ADAMTS16: variants seen among roughly 807,000 people sequenced by gnomAD.
ADAMTS16 encodes ADAM metallopeptidase with thrombospondin type 1 motif 16.
In ADAMTS16, 94 loss-of-function variants were observed where a neutral mutation model predicts 145.8. The ratio of observed to expected loss-of-function variants is 0.64; its 90% confidence interval spans 0.55 to 0.77. The LOEUF is 0.77. Ranked by LOEUF, ADAMTS16 falls within the 30% of genes least tolerant of loss-of-function variation. The pLI is 0.00. For missense variants in ADAMTS16, 1,585 were observed against 1,591.5 expected, an observed-to-expected ratio of 1.00 and a Z score of 0.07; for synonymous variants, 659 against 604.3, an observed-to-expected ratio of 1.09 and a Z score of -1.33.
intron 17 of ADAMTS16, among the ~76,000 whole-genome samples, chr5:5,247,601 C>T (rs537692366): frequency 6.6e-6 from 1 of 152,190 alleles, no homozygotes; most frequent in African/African-American, 2.4e-5. Flanking sequence ...TCAGGGGTGC[C>T]GGGGTCCCTC....
At chr5:5,148,597 T>C (rs1734364227) in intron 3 of ADAMTS16, among the ~76,000 whole-genome samples, 1 of 152,260 alleles carries the variant, frequency 6.6e-6, no homozygotes, top group African/African-American at 2.4e-5. Flanking sequence ...GATTTTGCTG[T>C]TGTCCACTAA....
chr5:5,252,060 AG>A (rs1737644646), intron 17 of ADAMTS16, among the ~76,000 whole-genome samples: 2 of 152,266 alleles, frequency 1.3e-5, no homozygotes, highest in South Asian at 4.2e-4. Flanking sequence ...CGTGTTAGCC[AG>A]GATGGTCTTG....
chr5:5,306,111 G>A (rs979746973), intron 20 of ADAMTS16, among the ~76,000 whole-genome samples: 4 of 152,178 alleles, frequency 2.6e-5, no homozygotes, highest in African/African-American at 9.6e-5. Context: ...CCAGCTTTAG[G>A]GGCCAACATC....
At chr5:5,272,445 G>T (rs1396472559) in intron 18 of ADAMTS16, among the ~76,000 whole-genome samples, 1 of 146,946 alleles carries the variant, frequency 6.8e-6, no homozygotes, top group Admixed American at 6.9e-5. Context: ...CACTGCAAGC[G>T]CCGCCTCCCG....
At chr5:5,263,222 G>A (rs1404465005) in intron 18 of ADAMTS16, among the ~76,000 whole-genome samples, 1 of 152,132 alleles carries the variant, frequency 6.6e-6, no homozygotes, top group Non-Finnish European at 1.5e-5. Flanking sequence ...ACAGCTGTGA[G>A]GACTGGAGCC....
intron 17 of ADAMTS16, among the ~76,000 whole-genome samples, chr5:5,252,764 G>C (rs560059809): frequency 6.6e-6 from 1 of 152,074 alleles, no homozygotes; most frequent in Non-Finnish European, 1.5e-5. Flanking sequence ...AGGTCTCTGC[G>C]TGTACACCAG....
At chr5:5,267,209 T>C (rs758507404) in intron 18 of ADAMTS16, among the ~76,000 whole-genome samples, 15 of 152,106 alleles carry the variant, frequency 9.9e-5, no homozygotes, top group Non-Finnish European at 1.5e-4. Context: ...TAAGGGTGAA[T>C]GTTTACAGCT....
intron 3 of ADAMTS16, among the ~76,000 whole-genome samples, chr5:5,164,520 C>G (rs947295376): frequency 6.6e-6 from 1 of 152,138 alleles, no homozygotes; most frequent in Non-Finnish European, 1.5e-5. Flanking sequence ...GATTCTCTTC[C>G]AAGGGCACTC....
At chr5:5,291,537 C>T (rs1360004609) in intron 18 of ADAMTS16, among the ~76,000 whole-genome samples, 2 of 152,164 alleles carry the variant, frequency 1.3e-5, no homozygotes, top group African/African-American at 4.8e-5. Context: ...CTCCCCTTTG[C>T]GGAGGAGAGA....
intron 21 of ADAMTS16, among the ~76,000 whole-genome samples, chr5:5,307,121 G>A (rs1057386151): frequency 1.3e-5 from 2 of 152,096 alleles, no homozygotes; most frequent in Admixed American, 6.5e-5. Context: ...TTTCCTGATC[G>A]GGTCGCTAGC....
chr5:5,215,870 G>GTGTATGTA (rs1260354840), intron 10 of ADAMTS16, among the ~76,000 whole-genome samples: 1 of 101,622 alleles, frequency 9.8e-6, no homozygotes. Flanking sequence ...GTGTGTATGT[G>GTGTATGTA]TATATATATA....
intron 18 of ADAMTS16, among the ~76,000 whole-genome samples, chr5:5,279,411 G>A (rs1486544276): frequency 6.6e-6 from 1 of 152,140 alleles, no homozygotes; most frequent in Non-Finnish European, 1.5e-5. Context: ...TTTGGAAACT[G>A]TCTTTTTTTC....
intron 11 of ADAMTS16, 175 bp downstream of exon 11, chr5:5,223,059 C>A: frequency 1.8e-6 from 1 of 555,948 alleles, no homozygotes; most frequent in African/African-American, 1.9e-5. Flanking sequence ...AAGAGGAATC[C>A]TTTTCTCACT....
In ADAMTS16 at chr5:5,303,383, C is replaced by T; in HGVS notation, c.2905C>T (p.Leu969=). ...TGACTCGGAGCCAGTCCCGGCCAGC[C>T]TGTGCCCTCAGCCTGCTCCCTCCAG... ...HYDSEPVPAS[L]CPQPAPSSRQ... is the part of the protein sequence containing the mutation. Residue 969 remains leucine, a synonymous_variant, in exon 19 of 23, where the codon CTG becomes TTG. Transcript: ENST00000274181. The T allele has an allele frequency of 5.0e-6, 8 of 1,604,812 alleles. No homozygotes were observed. In the South Asian group the frequency reaches 5.6e-5, roughly 11 times the overall value.
At chr5:5,215,735 T>C (rs1013702754) in intron 10 of ADAMTS16, among the ~76,000 whole-genome samples, 4 of 146,908 alleles carry the variant, frequency 2.7e-5, no homozygotes, top group African/African-American at 1.0e-4. Flanking sequence ...ATATGTGGTA[T>C]ATATATATAT....
At chr5:5,218,016 A>G (rs1736483332) in intron 10 of ADAMTS16, among the ~76,000 whole-genome samples, 1 of 152,156 alleles carries the variant, frequency 6.6e-6, no homozygotes, top group Non-Finnish European at 1.5e-5. Context: ...CTTACATTCC[A>G]ACTGCCTGGA....
intron 9 of ADAMTS16, among the ~76,000 whole-genome samples, chr5:5,202,688 T>A (rs1735994466): frequency 6.6e-6 from 1 of 152,222 alleles, no homozygotes; most frequent in African/African-American, 2.4e-5. Flanking sequence ...AGATTCAGAA[T>A]TTTTTAAACC....
chr5:5,214,978 A>G (rs1307066356), intron 10 of ADAMTS16, among the ~76,000 whole-genome samples: 1 of 152,250 alleles, frequency 6.6e-6, no homozygotes, highest in Non-Finnish European at 1.5e-5. Flanking sequence ...AATAAGAAGC[A>G]AATGGCCCAG....
At chr5:5,214,536 A>G (rs1453154781) in intron 10 of ADAMTS16, among the ~76,000 whole-genome samples, 1 of 152,040 alleles carries the variant, frequency 6.6e-6, no homozygotes, top group African/African-American at 2.4e-5. Flanking sequence ...CTGAGTAGCT[A>G]GGGTTACAGG....
Sources: gnomAD v4.1 joint callset for allele counts (sites outside exome capture counted in the v4.1 genomes callset) on GRCh38, gnomAD v4.1.1 for gene constraint, MANE v1.5 for transcripts, NCBI Gene and HGNC (gene_info 2026-07-23, HGNC 2026-07-21) for gene names.